Variants in NRXN3 observed in about 807,000 individuals in gnomAD.
NRXN3 encodes the protein neurexin 3, also known as neurexin III.
NRXN3 carries 32 observed loss-of-function variants against 137.6 expected under a neutral mutation model. The observed-to-expected ratio is 0.23, with a 90% CI of 0.18 to 0.31. The LOEUF (loss-of-function observed/expected upper bound fraction) is 0.31, where lower values mean the gene tolerates loss of function less well. Ranked by LOEUF, NRXN3 falls within the 10% of genes least tolerant of loss-of-function variation. The probability of loss-of-function intolerance (pLI) is 1.00; values close to 1 mark genes in which losing one functional copy is unlikely to be tolerated. For missense variants in NRXN3, 1,574 were observed against 2,062.5 expected, an observed-to-expected ratio of 0.76 and a Z score of 4.59; for synonymous variants, 798 against 784.5, an observed-to-expected ratio of 1.02 and a Z score of -0.29.
At chr14:78,458,563 G>A (rs1324183580) in intron 4 of NRXN3, among the ~76,000 whole-genome samples, 2 of 152,122 alleles carry the variant, frequency 1.3e-5, no homozygotes, top group Admixed American at 6.6e-5. Flanking sequence ...GTGAATCTGT[G>A]TATCTATTTA....
At chr14:78,252,972 T>C (rs2068885810) in intron 2 of NRXN3, among the ~76,000 whole-genome samples, 1 of 151,894 alleles carries the variant, frequency 6.6e-6, no homozygotes, top group Non-Finnish European at 1.5e-5. Context: ...CTCCTCATTC[T>C]CTCAGGCTTC....
chr14:78,799,479 A>G (rs141060775), intron 8 of NRXN3, among the ~76,000 whole-genome samples: 2,129 of 152,242 alleles, frequency 0.014, 64 homozygotes, highest in African/African-American at 0.049. Context: ...GGAAGTTCCA[A>G]ACTTTCCCAT....
At chr14:78,615,036 G>A (rs1167010488) in intron 4 of NRXN3, 1 of 456,534 alleles carries the variant, frequency 2.2e-6, no homozygotes, top group Non-Finnish European at 4.4e-6. Flanking sequence ...GACGAAGGTA[G>A]GGATGCTCCT....
intron 10 of NRXN3, among the ~76,000 whole-genome samples, chr14:78,898,231 C>T (rs2099184150): frequency 6.6e-6 from 1 of 151,862 alleles, no homozygotes; most frequent in African/African-American, 2.4e-5. Flanking sequence ...CCGGAGAGCT[C>T]CCAAGCTAAT....
chr14:78,277,088 G>A (rs1177189944), intron 2 of NRXN3, among the ~76,000 whole-genome samples: 1 of 152,160 alleles, frequency 6.6e-6, no homozygotes, highest in East Asian at 1.9e-4. Flanking sequence ...TCTAGGGGAG[G>A]CAAGGTGGGG....
At chr14:79,569,440 G>A (rs1418640497) in intron 16 of NRXN3, among the ~76,000 whole-genome samples, 1 of 152,094 alleles carries the variant, frequency 6.6e-6, no homozygotes, top group Non-Finnish European at 1.5e-5. Context: ...CCTAATCAGG[G>A]TAGATGATTC....
intron 8 of NRXN3, among the ~76,000 whole-genome samples, chr14:78,767,671 C>A (rs1433709687): frequency 1.3e-5 from 2 of 152,182 alleles, no homozygotes; most frequent in Non-Finnish European, 2.9e-5. Flanking sequence ...CTGGTGTAGA[C>A]AAAAATAACT....
intron 1 of NRXN3, among the ~76,000 whole-genome samples, chr14:78,222,973 A>T (rs1199035863): frequency 6.6e-6 from 1 of 152,234 alleles, no homozygotes; most frequent in Non-Finnish European, 1.5e-5. Context: ...TAGTATATCC[A>T]TCTCCACATA....
chr14:78,614,287 A>G (rs1385433604), intron 4 of NRXN3, among the ~76,000 whole-genome samples: 2 of 152,208 alleles, frequency 1.3e-5, no homozygotes, highest in Admixed American at 6.5e-5. Flanking sequence ...ACAGTAGGGC[A>G]TGTATTGATC....
chr14:78,897,052 T>G (rs1023112701), intron 10 of NRXN3, among the ~76,000 whole-genome samples: 6 of 151,938 alleles, frequency 3.9e-5, no homozygotes, highest in African/African-American at 1.4e-4. Flanking sequence ...ATGTATTGTC[T>G]GTGGCTGCTT....
At chr14:79,149,791 G>T (rs1277764778) in intron 15 of NRXN3, among the ~76,000 whole-genome samples, 4 of 152,072 alleles carry the variant, frequency 2.6e-5, no homozygotes, top group Non-Finnish European at 4.4e-5. Flanking sequence ...TTACTTGTAA[G>T]TGGGAGCTGA....
chr14:79,660,747 T>C (rs2098529324), intron 16 of NRXN3, among the ~76,000 whole-genome samples: 1 of 152,158 alleles, frequency 6.6e-6, no homozygotes, highest in Admixed American at 6.5e-5. Flanking sequence ...GTGAATTGAA[T>C]CACCAGCTGT....
intron 7 of NRXN3, among the ~76,000 whole-genome samples, chr14:78,711,518 T>A (rs1595048665): frequency 6.9e-6 from 1 of 144,136 alleles, no homozygotes; most frequent in East Asian, 2.1e-4. Context: ...CTCGGCTCAC[T>A]GCAAACTCTA....
At chr14:79,073,066 T>C (rs1274100562) in intron 15 of NRXN3, among the ~76,000 whole-genome samples, 1 of 152,148 alleles carries the variant, frequency 6.6e-6, no homozygotes, top group African/African-American at 2.4e-5. Flanking sequence ...TTTGTATTTT[T>C]AGTACAGACA....
At chr14:78,422,367 G>A (rs538914602) in intron 4 of NRXN3, among the ~76,000 whole-genome samples, 9 of 152,238 alleles carry the variant, frequency 5.9e-5, no homozygotes, top group Admixed American at 2.0e-4. Context: ...GGTCTGTTTC[G>A]TCACTTTTGA....
intron 2 of NRXN3, among the ~76,000 whole-genome samples, chr14:78,274,112 G>A (rs1012715277): frequency 6.6e-6 from 1 of 152,184 alleles, no homozygotes; most frequent in African/African-American, 2.4e-5. Context: ...GAGTGAGGTG[G>A]GAGGACTACC....
chr14:79,239,127 A>G (rs74067930), intron 15 of NRXN3, among the ~76,000 whole-genome samples: 3,099 of 152,244 alleles, frequency 0.02, 93 homozygotes, highest in African/African-American at 0.07. Flanking sequence ...TTTAATTTGT[A>G]AATTAGTCAC....
intron 10 of NRXN3, among the ~76,000 whole-genome samples, chr14:78,901,025 C>G (rs11849553): frequency 0.049 from 7,510 of 152,042 alleles, 650 homozygotes; most frequent in East Asian, 0.4. Context: ...AGCTCTTTTC[C>G]CTATAAGCTA....
chr14:78,614,836 C>A, intron 4 of NRXN3: 1 of 388,648 alleles, frequency 2.6e-6, no homozygotes, highest in Non-Finnish European at 5.2e-6. Context: ...CTCTTGTGGG[C>A]CCTTATGATG....
Sources: allele counts gnomAD v4.1 joint callset (sites outside exome capture counted in the v4.1 genomes callset), GRCh38; gene constraint gnomAD v4.1.1; transcripts MANE v1.5; gene names NCBI Gene and HGNC (gene_info 2026-07-23, HGNC 2026-07-21).